Variants in STPG2 observed in about 807,000 individuals in gnomAD.
The protein encoded by STPG2 is sperm tail PG-rich repeat containing 2.
In STPG2, 56 loss-of-function variants were observed where a neutral mutation model predicts 54.2. The ratio of observed to expected loss-of-function variants is 1.03; its 90% confidence interval spans 0.83 to 1.29. The LOEUF is 1.29. STPG2 is among the 50% of genes most tolerant of loss of function. The pLI is 0.00. For missense variants in STPG2, 596 were observed against 544.9 expected, an observed-to-expected ratio of 1.09 and a Z score of -0.93; for synonymous variants, 200 against 181.8, an observed-to-expected ratio of 1.10 and a Z score of -0.81.
At chr4:98,086,666 GAAAA>G (rs35225418) in intron 5 of STPG2, among the ~76,000 whole-genome samples, 4 of 94,924 alleles carry the variant, frequency 4.2e-5, no homozygotes, top group Admixed American at 1.2e-4. Context: ...ATGCATGCCA[GAAAA>G]AAAAAAAAAA....
chr4:97,733,637 C>T (rs933770733), intron 9 of STPG2, among the ~76,000 whole-genome samples: 1 of 152,072 alleles, frequency 6.6e-6, no homozygotes, highest in African/African-American at 2.4e-5. Context: ...GCTCTTGTAG[C>T]TAGGATCCCA....
chr4:97,900,700 C>A (rs1731143178), intron 8 of STPG2, among the ~76,000 whole-genome samples: 1 of 152,032 alleles, frequency 6.6e-6, no homozygotes. Flanking sequence ...CATGTTCTCA[C>A]TTTTAAGTGG....
intron 8 of STPG2, among the ~76,000 whole-genome samples, chr4:97,931,637 AGTTTTTTTGTTTTTG>A (rs71588921): frequency 0.37 from 55,561 of 151,582 alleles, 12,009 homozygotes; most frequent in Admixed American, 0.51. Context: ...GTTGGCTTGA[AGTTTTTTTGTTTTTG>A]GTTTTTTTGT....
At chr4:97,459,451 T>G (rs1231159638) in intron 4 of STPG2, among the ~76,000 whole-genome samples, 3 of 149,346 alleles carry the variant, frequency 2.0e-5, no homozygotes, top group Non-Finnish European at 3.0e-5. Flanking sequence ...TTTTTTTTTT[T>G]TTTTTTGAGA....
At chr4:97,490,492 C>T (rs1157042676) in intron 4 of STPG2, among the ~76,000 whole-genome samples, 1 of 151,548 alleles carries the variant, frequency 6.6e-6, no homozygotes, top group African/African-American at 2.4e-5. Context: ...GATAGCCATT[C>T]TCAGCCTCTA....
chr4:97,991,192 T>C (rs1734992924), intron 5 of STPG2, among the ~76,000 whole-genome samples: 1 of 151,998 alleles, frequency 6.6e-6, no homozygotes, highest in East Asian at 1.9e-4. Context: ...CTTAGATTAA[T>C]GGTCTCCAAT....
intron 9 of STPG2, among the ~76,000 whole-genome samples, chr4:97,739,127 G>A (rs1474548932): frequency 6.6e-6 from 1 of 152,078 alleles, no homozygotes; most frequent in Non-Finnish European, 1.5e-5. Context: ...GGTACATAAT[G>A]AAATGAAGGC....
chr4:97,856,038 G>C (rs552215944), intron 8 of STPG2, among the ~76,000 whole-genome samples: 3 of 152,052 alleles, frequency 2.0e-5, no homozygotes, highest in African/African-American at 7.2e-5. Context: ...TCCATTTTTT[G>C]TATCAGTACC....
At chr4:97,951,816 T>C (rs1158532880) in intron 7 of STPG2, among the ~76,000 whole-genome samples, 3 of 152,126 alleles carry the variant, frequency 2.0e-5, no homozygotes, top group Non-Finnish European at 4.4e-5. Flanking sequence ...TTCAGGCTAG[T>C]AGGATAGGCG....
chr4:98,029,810 G>T (rs1365458), intron 5 of STPG2, among the ~76,000 whole-genome samples: 1 of 151,904 alleles, frequency 6.6e-6, no homozygotes, highest in Non-Finnish European at 1.5e-5. Flanking sequence ...CAGCCTGAAC[G>T]TACTATAGAG....
intron 4 of STPG2, among the ~76,000 whole-genome samples, chr4:97,471,165 G>T (rs933666816): frequency 1.3e-5 from 2 of 152,066 alleles, no homozygotes; most frequent in African/African-American, 4.8e-5. Flanking sequence ...ATTTATTTTT[G>T]GAATTTACCA....
chr4:97,845,108 T>C (rs879943273), intron 8 of STPG2, among the ~76,000 whole-genome samples: 1 of 151,986 alleles, frequency 6.6e-6, no homozygotes, highest in Admixed American at 6.6e-5. Flanking sequence ...ATAAGTTCCA[T>C]TAATTCTTTG....
At chr4:97,686,102 C>T (rs1723180433) in intron 10 of STPG2, among the ~76,000 whole-genome samples, 1 of 152,188 alleles carries the variant, frequency 6.6e-6, no homozygotes, top group Admixed American at 6.5e-5. Context: ...AAATGCACTC[C>T]TTATAAAATG....
chr4:98,068,196 T>C (rs1453150579), intron 5 of STPG2, among the ~76,000 whole-genome samples: 6 of 152,132 alleles, frequency 3.9e-5, no homozygotes, highest in Admixed American at 3.9e-4. Flanking sequence ...TTTCCTTACC[T>C]CTTCCTCTAT....
chr4:97,704,089 C>G (rs61012000), intron 10 of STPG2, among the ~76,000 whole-genome samples: 7 of 152,012 alleles, frequency 4.6e-5, no homozygotes, highest in Admixed American at 1.3e-4. Context: ...CCCAGATTAA[C>G]GGTGGGTCTG....
intron 10 of STPG2, among the ~76,000 whole-genome samples, chr4:97,641,080 A>G (rs1721752809): frequency 6.6e-6 from 1 of 151,702 alleles, no homozygotes; most frequent in Non-Finnish European, 1.5e-5. Context: ...GGGGAAAGGC[A>G]AAGCTCTCAC....
chr4:98,137,921 T>A (rs1460171758), intron 1 of STPG2, among the ~76,000 whole-genome samples: 1 of 151,890 alleles, frequency 6.6e-6, no homozygotes, highest in African/African-American at 2.4e-5. Context: ...CGAGAAATAT[T>A]GAGCACAAGT....
At chr4:97,630,415 G>C (rs1721237245) in intron 10 of STPG2, among the ~76,000 whole-genome samples, 1 of 151,766 alleles carries the variant, frequency 6.6e-6, no homozygotes, top group Non-Finnish European at 1.5e-5. Flanking sequence ...GATGAAATCA[G>C]ATCAATTTTT....
intron 9 of STPG2, among the ~76,000 whole-genome samples, chr4:97,742,519 CTGTGTGTGTGTGTGTGTGTG>C (rs150619013): frequency 4.8e-5 from 6 of 125,102 alleles, no homozygotes; most frequent in African/African-American, 1.2e-4. Context: ...AATGAATAAA[CTGTGTGTGTGTGTGTGTGTG>C]TGTGTGTGTG....
Sources: gnomAD v4.1 joint callset for allele counts (sites outside exome capture counted in the v4.1 genomes callset) on GRCh38, gnomAD v4.1.1 for gene constraint, MANE v1.5 for transcripts, NCBI Gene and HGNC (gene_info 2026-07-23, HGNC 2026-07-21) for gene names.